ROR1: variants seen among roughly 807,000 people sequenced by gnomAD.
The protein encoded by ROR1 is ROR family WNT receptor 1, also known as inactive tyrosine-protein kinase transmembrane receptor ROR1.
A neutral mutation model predicts 78.8 loss-of-function variants in ROR1; 19 were observed. The observed-to-expected ratio is 0.24, with a 90% CI of 0.17 to 0.35. ROR1 has a LOEUF of 0.35. Ranked by LOEUF, ROR1 falls within the 10% of genes least tolerant of loss-of-function variation. ROR1 has a pLI of 1.00. For synonymous variants in ROR1, 386 were observed against 433.6 expected (o/e 0.89, Z 1.36); for missense variants, 917 against 1,177.8 (o/e 0.78, Z 3.24).
chr1:64,153,005 G>A (rs963703285), intron 7 of ROR1, among the ~76,000 whole-genome samples: 8 of 152,146 alleles, frequency 5.3e-5, no homozygotes, highest in African/African-American at 1.9e-4. Flanking sequence ...AAGTTTAAAT[G>A]TGCTTAGTCT....
At chr1:64,086,404 G>A (rs988855312) in intron 4 of ROR1, among the ~76,000 whole-genome samples, 1 of 152,164 alleles carries the variant, frequency 6.6e-6, no homozygotes, top group South Asian at 2.1e-4. Flanking sequence ...TATTGGCCAT[G>A]CACTAAGAGC....
intron 2 of ROR1, among the ~76,000 whole-genome samples, chr1:64,036,915 G>A (rs1471933459): frequency 1.3e-5 from 2 of 152,124 alleles, no homozygotes; most frequent in Non-Finnish European, 2.9e-5. Flanking sequence ...CTGGTGTCTC[G>A]ACTGAGAAGA....
chr1:63,872,890 C>T (rs1004596270), intron 1 of ROR1, among the ~76,000 whole-genome samples: 1 of 152,066 alleles, frequency 6.6e-6, no homozygotes. Context: ...CCCACAATAG[C>T]AAGAATATGT....
chr1:64,160,011 A>C (rs2100730535), intron 8 of ROR1, among the ~76,000 whole-genome samples: 1 of 152,330 alleles, frequency 6.6e-6, no homozygotes, highest in African/African-American at 2.4e-5. Context: ...GCCTCTCAGC[A>C]AAAAGATTTC....
At position 64,158,973 on chromosome 1, in the gene ROR1, G is replaced by A. The variant is rs1455506872; in HGVS notation, c.1175-8G>A. On this transcript the variant is annotated splice_polypyrimidine_tract_variant and splice_region_variant and intron_variant, in intron 7 of 8. Coordinates refer to ENST00000371079, the MANE Select transcript of ROR1 (RefSeq NM_005012.4). The stretch of plus-strand genomic sequence containing the variant: ...ATAACTTTTGCTCTTTTTCATTTCT[G>A]CACCCAGATTCAAAGGATTCCAAGG... 1 of 1,609,222 alleles carries A rather than the reference G, an allele frequency of 6.2e-7. No individual in the cohort carries two copies. Among genetic ancestry groups the A allele is most frequent in the East Asian group, 2.2e-5 (1 of 44,850 alleles).
chr1:64,016,526 T>G (rs959483886), intron 2 of ROR1, among the ~76,000 whole-genome samples: 1 of 152,076 alleles, frequency 6.6e-6, no homozygotes, highest in Non-Finnish European at 1.5e-5. Flanking sequence ...TTATTTCTAT[T>G]AGATAATGCT....
intron 4 of ROR1, among the ~76,000 whole-genome samples, chr1:64,079,060 G>A (rs1027497900): frequency 6.6e-5 from 10 of 152,106 alleles, no homozygotes; most frequent in Admixed American, 6.5e-4. Context: ...ATGAAGGGAA[G>A]ACTTAATAGG....
chr1:64,100,480 C>T (rs1377237382), intron 4 of ROR1, among the ~76,000 whole-genome samples: 1 of 152,070 alleles, frequency 6.6e-6, no homozygotes, highest in Non-Finnish European at 1.5e-5. Flanking sequence ...AGAGAAAGAC[C>T]TTGTCTCAAG....
intron 1 of ROR1, among the ~76,000 whole-genome samples, chr1:63,962,613 C>T (rs1451596): frequency 0.22 from 34,144 of 152,130 alleles, 4,326 homozygotes; most frequent in African/African-American, 0.34. Flanking sequence ...AATGATCAGA[C>T]ATCCATCAGA....
chr1:64,150,063 G>A (rs1649579059), intron 7 of ROR1, among the ~76,000 whole-genome samples: 1 of 152,088 alleles, frequency 6.6e-6, no homozygotes, highest in African/African-American at 2.4e-5. Context: ...AATCGTATTG[G>A]TATTTTTATA....
At chr1:64,172,139 G>A (rs946650034) in intron 8 of ROR1, among the ~76,000 whole-genome samples, 1 of 152,064 alleles carries the variant, frequency 6.6e-6, no homozygotes, top group South Asian at 2.1e-4. Flanking sequence ...AGATCTAAAA[G>A]TTCCCCCACA....
intron 4 of ROR1, among the ~76,000 whole-genome samples, chr1:64,109,401 T>A (rs895610362): frequency 6.6e-6 from 1 of 152,180 alleles, no homozygotes; most frequent in Non-Finnish European, 1.5e-5. Flanking sequence ...CTCCAGGGTA[T>A]TTTCTGAGCA....
chr1:64,159,279 A>G (rs914224214), intron 8 of ROR1, 87 bp downstream of exon 8: 26 of 1,008,772 alleles, frequency 2.6e-5, no homozygotes, highest in Middle Eastern at 4.2e-4. Flanking sequence ...TGGAAATCGA[A>G]TGATATGGAA....
chr1:63,833,959 C>T (rs1645004288), intron 1 of ROR1, among the ~76,000 whole-genome samples: 1 of 148,666 alleles, frequency 6.7e-6, no homozygotes, highest in Non-Finnish European at 1.5e-5. Flanking sequence ...CTTTCCGTCT[C>T]GAGGGCTTTT....
chr1:63,817,347 AC>A (rs1227379137), intron 1 of ROR1, among the ~76,000 whole-genome samples: 6 of 152,132 alleles, frequency 3.9e-5, no homozygotes, highest in Non-Finnish European at 8.8e-5. Context: ...TCTCTTGAAG[AC>A]TTTGTTGAGC....
chr1:63,793,699 C>G (rs1456443199), intron 1 of ROR1, among the ~76,000 whole-genome samples: 1 of 152,146 alleles, frequency 6.6e-6, no homozygotes, highest in African/African-American at 2.4e-5. Context: ...CCCAGGACCT[C>G]CAGAAAGAAG....
At position 64,180,935 on chromosome 1, in the gene ROR1, A is replaced by C. The variant is rs1458024694; in HGVS notation, c.*2080A>C. 3 of 152,152 alleles carry C rather than the reference A, an allele frequency of 2.0e-5. No individual in the cohort carries two copies. Among genetic ancestry groups the C allele is most frequent in the Admixed American group, 1.3e-4 (2 of 15,282 alleles). 9.4% of individuals were successfully genotyped at this position (152,152 alleles called of 1,614,324 possible). A position where few individuals can be genotyped will look rare whatever the true frequency, so the allele number is the denominator to read the frequency against. On this transcript the variant is annotated 3_prime_UTR_variant, in exon 9 of 9. Coordinates refer to ENST00000371079, the MANE Select transcript of ROR1 (RefSeq NM_005012.4). The stretch of plus-strand genomic sequence containing the variant: ...CATTTATTTTAAACATTTTATAATA[A>C]CTGAAAACATTAAAGTGAGCAAATG...
intron 1 of ROR1, among the ~76,000 whole-genome samples, chr1:63,807,676 T>C (rs1485763326): frequency 6.6e-6 from 1 of 152,260 alleles, no homozygotes; most frequent in African/African-American, 2.4e-5. Flanking sequence ...GACTGGGCAC[T>C]CCTGAAGGCA....
intron 2 of ROR1, among the ~76,000 whole-genome samples, chr1:64,015,216 A>G (rs933714934): frequency 5.9e-5 from 9 of 152,120 alleles, no homozygotes; most frequent in African/African-American, 1.9e-4. Context: ...AGCTCCCACC[A>G]GGTTCCTCCC....
Sources: allele counts gnomAD v4.1 joint callset (sites outside exome capture counted in the v4.1 genomes callset), GRCh38; gene constraint gnomAD v4.1.1; transcripts MANE v1.5; gene names NCBI Gene and HGNC (gene_info 2026-07-23, HGNC 2026-07-21).